The following SPOCK1 variants were observed in gnomAD, a reference collection of about 807,000 sequenced individuals.
SPOCK1 encodes SPARC (osteonectin), cwcv and kazal like domains proteoglycan 1, also known as testican-1.
Under a neutral mutation model 55.3 loss-of-function variants are expected in SPOCK1, and 23 were observed. That is an observed-to-expected ratio of 0.42 (90% CI 0.30 to 0.59). SPOCK1 has a LOEUF of 0.59. Ranked by LOEUF, SPOCK1 falls within the 20% of genes least tolerant of loss-of-function variation. The pLI, the probability that SPOCK1 is intolerant of heterozygous loss-of-function variation, is 0.22. For synonymous variants in SPOCK1, 226 were observed against 221.0 expected, an observed-to-expected ratio of 1.02 and a Z score of -0.20; for missense variants, 499 against 552.5, an observed-to-expected ratio of 0.90 and a Z score of 0.97.
At chr5:137,356,830 T>TAG (rs1374423446) in intron 2 of SPOCK1, among the ~76,000 whole-genome samples, 6 of 11,998 alleles carry the variant, frequency 5.0e-4, no homozygotes, top group African/African-American at 1.0e-3. Context: ...TATATATATA[T>TAG]ATATATATAG....
At chr5:137,290,474 A>G (rs1757353091) in intron 2 of SPOCK1, among the ~76,000 whole-genome samples, 1 of 152,202 alleles carries the variant, frequency 6.6e-6, no homozygotes, top group Non-Finnish European at 1.5e-5. Context: ...AGGAGAATAC[A>G]ATTAGGGGAG....
chr5:137,365,709 C>T (rs552847768), intron 2 of SPOCK1, among the ~76,000 whole-genome samples: 2 of 152,248 alleles, frequency 1.3e-5, no homozygotes, highest in African/African-American at 4.8e-5. Context: ...TAATGGAAAA[C>T]TTTCACCAAG....
At chr5:137,400,560 G>A (rs575808710) in intron 2 of SPOCK1, among the ~76,000 whole-genome samples, 1 of 152,270 alleles carries the variant, frequency 6.6e-6, no homozygotes, top group Admixed American at 6.5e-5. Flanking sequence ...GAAAAAAAGT[G>A]CCTTGGATCA....
At chr5:137,457,507 T>C (rs1753390495) in intron 2 of SPOCK1, among the ~76,000 whole-genome samples, 1 of 152,134 alleles carries the variant, frequency 6.6e-6, no homozygotes, top group African/African-American at 2.4e-5. Flanking sequence ...GATTGACTAT[T>C]CCTTCTAGAC....
chr5:137,041,470 T>C lies in SPOCK1; in HGVS notation c.589+26245A>G, dbSNP rs189307601. On this transcript the variant is annotated intron_variant, in intron 6 of 10. Coordinates refer to ENST00000394945, the MANE Select transcript of SPOCK1 (RefSeq NM_004598.4). ...AAAAGAAAAAATAGATAAGTTGGAC[T>C]TTATTAAAATTAAAAACTTATACTC... is the stretch of plus-strand genomic sequence containing the variant. Among the ~76,000 whole-genome samples the C allele has an allele frequency of 1.4e-3, 218 of 152,292 alleles. 1 individual carries two copies. The highest frequency in any genetic ancestry group is 0.01 in the Middle Eastern group (3 of 294).
At chr5:137,196,317 A>C (rs1462354421) in intron 3 of SPOCK1, among the ~76,000 whole-genome samples, 1 of 152,102 alleles carries the variant, frequency 6.6e-6, no homozygotes, top group Non-Finnish European at 1.5e-5. Flanking sequence ...TTTTCATAAC[A>C]TAAATCTGTC....
chr5:137,201,714 G>A (rs1693235892), intron 3 of SPOCK1, among the ~76,000 whole-genome samples: 1 of 152,130 alleles, frequency 6.6e-6, no homozygotes, highest in Admixed American at 6.6e-5. Flanking sequence ...AAAAAGCAAA[G>A]ATAATGCTGC....
At chr5:137,229,082 T>C (rs1207056696) in intron 3 of SPOCK1, among the ~76,000 whole-genome samples, 1 of 152,138 alleles carries the variant, frequency 6.6e-6, no homozygotes, top group Non-Finnish European at 1.5e-5. Context: ...CAGCTGCTCC[T>C]GGAAAAGCAT....
intron 3 of SPOCK1, among the ~76,000 whole-genome samples, chr5:137,240,471 T>C (rs969556895): frequency 2.0e-5 from 3 of 152,140 alleles, no homozygotes; most frequent in Non-Finnish European, 4.4e-5. Flanking sequence ...TCACTTATCA[T>C]CAAGGGGATG....
chr5:137,016,713 A>C (rs957196127), intron 6 of SPOCK1, among the ~76,000 whole-genome samples: 1 of 152,218 alleles, frequency 6.6e-6, no homozygotes, highest in African/African-American at 2.4e-5. Flanking sequence ...CCCAACTTAG[A>C]GTTTGAGTTA....
chr5:137,324,717 T>C (rs186651428), intron 2 of SPOCK1, among the ~76,000 whole-genome samples: 16 of 152,140 alleles, frequency 1.1e-4, no homozygotes, highest in Admixed American at 8.5e-4. Flanking sequence ...ATGCATATAA[T>C]AACACTGAAT....
intron 10 of SPOCK1, 47 bp downstream of exon 10, chr5:136,979,285 C>T: frequency 6.2e-7 from 1 of 1,611,138 alleles, no homozygotes; most frequent in Non-Finnish European, 8.5e-7. Flanking sequence ...TGAGGAACCA[C>T]AGGCCACCCA....
At chr5:137,088,464 C>T (rs900810019) in intron 5 of SPOCK1, among the ~76,000 whole-genome samples, 2 of 152,174 alleles carry the variant, frequency 1.3e-5, no homozygotes, top group Admixed American at 6.5e-5. Context: ...ACCTGATCGG[C>T]CTGCTTCCAG....
At chr5:137,353,079 T>C (rs746625341) in intron 2 of SPOCK1, among the ~76,000 whole-genome samples, 8 of 152,238 alleles carry the variant, frequency 5.3e-5, no homozygotes, top group Non-Finnish European at 1.2e-4. Context: ...TCAGAACCCT[T>C]TCCTAAAAGT....
intron 6 of SPOCK1, among the ~76,000 whole-genome samples, chr5:137,018,623 A>G (rs1214636883): frequency 1.3e-5 from 2 of 152,164 alleles, no homozygotes; most frequent in African/African-American, 4.8e-5. Context: ...TAAAAACTCT[A>G]GAAGAATGCT....
chr5:137,304,414 T>C (rs1757664666), intron 2 of SPOCK1, among the ~76,000 whole-genome samples: 1 of 152,136 alleles, frequency 6.6e-6, no homozygotes, highest in Non-Finnish European at 1.5e-5. Context: ...CAGAAGGCCC[T>C]CAAATGAAGG....
chr5:137,258,671 G>GT (rs1316670260), intron 3 of SPOCK1, among the ~76,000 whole-genome samples: 2 of 152,180 alleles, frequency 1.3e-5, no homozygotes, highest in Admixed American at 6.5e-5. Context: ...TAACAGGAAG[G>GT]TTTTTTCCCT....
chr5:137,033,171 C>A (rs992105526), intron 6 of SPOCK1, among the ~76,000 whole-genome samples: 15 of 152,250 alleles, frequency 9.9e-5, no homozygotes, highest in African/African-American at 3.6e-4. Flanking sequence ...CGGCCGAAGG[C>A]CTGGGTGAGG....
chr5:137,331,475 A>G (rs1758181530), intron 2 of SPOCK1, among the ~76,000 whole-genome samples: 1 of 152,028 alleles, frequency 6.6e-6, no homozygotes, highest in African/African-American at 2.4e-5. Flanking sequence ...TGCTATAAAC[A>G]CCTGAGGCTG....
Sources: gnomAD v4.1 joint callset for allele counts (sites outside exome capture counted in the v4.1 genomes callset) on GRCh38, gnomAD v4.1.1 for gene constraint, MANE v1.5 for transcripts, NCBI Gene and HGNC (gene_info 2026-07-23, HGNC 2026-07-21) for gene names.